The following MED1 variants were observed in gnomAD, a reference collection of about 807,000 sequenced individuals.
MED1 encodes the protein mediator complex subunit 1, also known as mediator of RNA polymerase II transcription subunit 1.
In MED1, 17 loss-of-function variants were observed where a neutral mutation model predicts 121.3. The ratio of observed to expected loss-of-function variants is 0.14; its 90% CI spans 0.10 to 0.21. The LOEUF is 0.21. Ranked by LOEUF, MED1 falls within the 10% of genes least tolerant of loss-of-function variation. The pLI is 1.00. For synonymous variants in MED1, 661 were observed against 694.4 expected (o/e 0.95, Z 0.76); for missense variants, 1,558 against 1,919.4 (o/e 0.81, Z 3.52).
At chr17:39,425,200 A>T (rs925227165) in intron 10 of MED1, among the ~76,000 whole-genome samples, 2 of 151,612 alleles carry the variant, frequency 1.3e-5, no homozygotes, top group African/African-American at 2.4e-5. Context: ...CTATTTATTT[A>T]TTTTTTTATT....
In MED1 at chr17:39,443,569, T is replaced by C. The variant is rs756877801; in HGVS notation, c.192A>G (p.Thr64=). The change falls in exon 3 of 17, where the codon ACA becomes ACG. Residue 64 remains threonine, a synonymous_variant. Transcript: ENST00000300651. Reference sequence around the variant, plus strand: ...ACAAACCTTTGAGAGCCTTCTGCAATGTCTCCAAACAGCTGACCAAATGTT... The same window carrying C: ...ACAAACCTTTGAGAGCCTTCTGCAACGTCTCCAAACAGCTGACCAAATGTT... ...GHQHLVSCLE[T]LQKALKVTSL... The C allele has an allele frequency of 1.9e-6, 3 of 1,613,750 alleles. No homozygotes were observed. Among genetic ancestry groups the C allele is most frequent in the African/African-American group, 1.3e-5 (1 of 74,914 alleles).
At chr17:39,432,342 CAAAAAAAAAA>C (rs36069735) in intron 7 of MED1, among the ~76,000 whole-genome samples, 12 of 81,022 alleles carry the variant, frequency 1.5e-4, no homozygotes, top group Middle Eastern at 0.012. Flanking sequence ...GATTCCATCT[CAAAAAAAAAA>C]AAAAAAAAAG....
chr17:39,410,058 G>A lies in MED1; in HGVS notation c.2163C>T (p.Asn721=). Residue 721 remains asparagine (N), a synonymous_variant, in exon 17 of 17, where the codon AAC becomes AAT. Coordinates refer to ENST00000300651, the MANE Select transcript of MED1 (RefSeq NM_004774.4). ...ELFSMDVDSQ[N]PIFDVNMTAD... is the part of the protein sequence containing the mutation. ...CTGTCATGTTGACATCAAAGATAGG[G>A]TTCTGTGAGTCAACATCCATTGAAA... 1.2e-6 allele frequency: 2 copies of A among 1,614,140 alleles called. No homozygotes were observed. Among genetic ancestry groups the A allele is most frequent in the South Asian group, 2.2e-5 (2 of 91,078 alleles).
Position 39,423,751 on chromosome 17 carries a change from G to T in MED1, c.922C>A (p.Pro308Thr). 6.2e-7 allele frequency: 1 copy of T among 1,613,962 alleles called. No homozygotes were observed. Among genetic ancestry groups the T allele is most frequent in the Admixed American group, 1.7e-5 (1 of 59,964 alleles). Reference sequence around the variant, plus strand: ...GCTCTAGATACTGGGATTGGCTGGGGAAATTTCAAGAAGAAACAGGCAGGA... The same window carrying T: ...GCTCTAGATACTGGGATTGGCTGGGTAAATTTCAAGAAGAAACAGGCAGGA... ...DLPACFFLKF[P>T]QPIPVSRAFV... Residue 308 changes from proline (P) to threonine (T), a missense_variant, in exon 12 of 17, where the codon CCC (proline) becomes ACC (threonine). Physicochemically the swap from Pro to Thr is conservative, Grantham distance 38. Coordinates refer to ENST00000300651, the MANE Select transcript of MED1 (RefSeq NM_004774.4).
At position 39,408,914 on chromosome 17, in the gene MED1, A is replaced by T. The variant is rs1567638101; in HGVS notation, c.3307T>A (p.Ser1103Thr). 7 of 1,614,144 alleles carry T rather than the reference A, an allele frequency of 4.3e-6. No individual in the cohort carries two copies. The highest frequency in any genetic ancestry group is 5.1e-6 in the Non-Finnish European group (6 of 1,180,028). Reference protein sequence around the residue: ...GSKSHHSHSSSSSSSASTSGK... With the variant: ...GSKSHHSHSSTSSSSASTSGK... The stretch of plus-strand genomic sequence containing the variant: ...GAGGTGGAAGCAGATGAGGAAGAGG[A>T]GGAAGAATGGCTATGGTGGCTTTTG... Residue 1103 changes from serine (S) to threonine (T), a missense_variant, in exon 17 of 17, where the codon TCC becomes ACC. Ser to Thr is a moderately conservative substitution (Grantham distance 58). Around this residue, in one of 5 missense-constraint regions of MED1, gnomAD observed 793 missense variants for 898.2 expected, o/e 0.88. Transcript: ENST00000300651. This position sits in a 1 kb window ranked among gnomAD's most constrained non-coding sequence, Gnocchi z 4.7.
intron 1 of MED1, among the ~76,000 whole-genome samples, chr17:39,449,111 T>C (rs12947620): frequency 0.63 from 95,447 of 151,676 alleles, 32,763 homozygotes; most frequent in South Asian, 0.89. Flanking sequence ...TCAAGGCCTA[T>C]TGCAGCCTCA....
intron 1 of MED1, 105 bp downstream of exon 1, chr17:39,450,933 C>A: frequency 1.1e-6 from 1 of 944,708 alleles, no homozygotes. Context: ...CTCCTGGACT[C>A]TATGCCCCTA....
chr17:39,451,185 G>T lies in MED1; in HGVS notation c.-123C>A. 8.8e-7 allele frequency: 1 copy of T among 1,130,388 alleles called. No homozygotes were observed. Among genetic ancestry groups the T allele is most frequent in the Non-Finnish European group, 1.3e-6 (1 of 771,348 alleles). 70.0% of individuals were successfully genotyped at this position (1,130,388 alleles called of 1,614,324 possible). On this transcript the variant is annotated 5_prime_UTR_variant, in exon 1 of 17. Transcript: ENST00000300651. Reference sequence around the variant, plus strand: ...GCACCAGCAGTCCCTACTCTTCCCGGGAAGGATCAATCTGAAGTCCCCGGC... The same window carrying T: ...GCACCAGCAGTCCCTACTCTTCCCGTGAAGGATCAATCTGAAGTCCCCGGC...
chr17:39,410,193 G>C lies in MED1; in HGVS notation c.2028C>G (p.Pro676=). 1.2e-6 allele frequency: 2 copies of C among 1,614,050 alleles called. No individual in the cohort carries two copies. Among genetic ancestry groups the C allele is most frequent in the Non-Finnish European group, 1.7e-6 (2 of 1,180,024 alleles). Residue 676 remains proline, a synonymous_variant, in exon 17 of 17, where the codon CCC becomes CCG. Coordinates refer to ENST00000300651, the MANE Select transcript of MED1 (RefSeq NM_004774.4). The part of the protein sequence containing the change: ...LERQNSSSGS[P]RMEICSGSNK... ...TGCTCCCCGAGCATATTTCCATGCG[G>C]GGTGAGCCGGAAGAGGAGTTCTGCC...
At chr17:39,412,155 A>G (rs2048361470) in intron 16 of MED1, among the ~76,000 whole-genome samples, 1 of 151,982 alleles carries the variant, frequency 6.6e-6, no homozygotes, top group Non-Finnish European at 1.5e-5. Context: ...TTTATTTTCC[A>G]GATAAATTTA....
intron 9 of MED1, among the ~76,000 whole-genome samples, chr17:39,429,218 G>A (rs919404748): frequency 5.9e-5 from 9 of 151,948 alleles, no homozygotes; most frequent in Non-Finnish European, 1.3e-4. Context: ...CAGGCATGGT[G>A]GCACTTGACT....
intron 10 of MED1, among the ~76,000 whole-genome samples, chr17:39,426,370 C>G (rs936147081): frequency 1.3e-5 from 2 of 151,908 alleles, no homozygotes; most frequent in African/African-American, 4.8e-5. Flanking sequence ...TCACTTGAAC[C>G]CAGGAGGTGT....
At chr17:39,411,773 G>A (rs1023652408) in intron 16 of MED1, among the ~76,000 whole-genome samples, 1 of 152,002 alleles carries the variant, frequency 6.6e-6, no homozygotes, top group Non-Finnish European at 1.5e-5. Flanking sequence ...GCCGAGGCGG[G>A]TGGATCACAG....
intron 3 of MED1, 81 bp downstream of exon 3, chr17:39,443,469 T>C: frequency 8.1e-7 from 1 of 1,233,160 alleles, no homozygotes; most frequent in Non-Finnish European, 1.2e-6. Flanking sequence ...CTCAATTTTT[T>C]ACTTCTAGTT....
chr17:39,411,825 C>A (rs1309705678), intron 16 of MED1, among the ~76,000 whole-genome samples: 1 of 151,648 alleles, frequency 6.6e-6, no homozygotes, highest in Non-Finnish European at 1.5e-5. Context: ...ATAGTGAAAC[C>A]CCATCTCTAC....
At chr17:39,430,598 C>T (rs568415185) in intron 9 of MED1, among the ~76,000 whole-genome samples, 1 of 151,020 alleles carries the variant, frequency 6.6e-6, no homozygotes, top group South Asian at 2.1e-4. Flanking sequence ...GAGGCTGAGG[C>T]AGGAGAATGG....
At chr17:39,441,525 A>G (rs1218206886) in intron 3 of MED1, among the ~76,000 whole-genome samples, 2 of 152,234 alleles carry the variant, frequency 1.3e-5, no homozygotes, top group African/African-American at 4.8e-5. Context: ...TAATCCTAAC[A>G]CTTTCGGAGA....
At chr17:39,443,775 C>T (rs1828853594) in intron 2 of MED1, 147 bp from the exon 3 acceptor site, 1 of 613,694 alleles carries the variant, frequency 1.6e-6, no homozygotes, top group African/African-American at 1.9e-5. Context: ...TATAGAGTAA[C>T]ACTGGTCTAC....
intron 16 of MED1, among the ~76,000 whole-genome samples, chr17:39,412,131 A>T (rs1324841371): frequency 6.6e-6 from 1 of 152,088 alleles, no homozygotes; most frequent in Non-Finnish European, 1.5e-5. Flanking sequence ...TGTTTATTTT[A>T]AAGCAAAGCA....
Sources: gnomAD v4.1 joint callset for allele counts (sites outside exome capture counted in the v4.1 genomes callset) on GRCh38, gnomAD v4.1.1 for gene constraint, gnomAD v4.1.1 regional missense constraint, Gnocchi (gnomAD v3.1) non-coding constraint, MANE v1.5 for transcripts, NCBI Gene and HGNC (gene_info 2026-07-23, HGNC 2026-07-21) for gene names.